SUN2: variants seen among roughly 807,000 people sequenced by gnomAD.
SUN2 encodes SUN domain-containing protein 2.
Under a neutral mutation model 100.0 loss-of-function variants are expected in SUN2, and 60 were observed. The ratio of observed to expected loss-of-function variants is 0.60; its 90% CI spans 0.49 to 0.74. The LOEUF (loss-of-function observed/expected upper bound fraction) is 0.74, where lower values mean the gene tolerates loss of function less well. Among genes scored for constraint, SUN2 ranks in the 30% least tolerant of loss-of-function variants. The pLI is 0.00. For synonymous variants in SUN2, 367 were observed against 403.3 expected (o/e 0.91, Z 1.08); for missense variants, 834 against 954.6 (o/e 0.87, Z 1.66).
chr22:38,746,828 G>A (rs1473529527), intron 7 of SUN2, among the ~76,000 whole-genome samples: 2 of 150,906 alleles, frequency 1.3e-5, no homozygotes, highest in Non-Finnish European at 1.5e-5. Flanking sequence ...TCAGGAGATC[G>A]AGACCATCCT....
Position 38,741,063 on chromosome 22 carries a change from A to G in SUN2, c.1147-13T>C. 2 of 1,593,476 alleles carry G rather than the reference A, an allele frequency of 1.3e-6. No individual in the cohort carries two copies. The highest frequency in any genetic ancestry group is 1.7e-6 in the Non-Finnish European group (2 of 1,169,414). ...GAGCCTCGGACTCCTGTGTAGGAAG[A>G]AGGGACAAATACAAGAAATACTCAT... is the stretch of plus-strand genomic sequence containing the variant. On this transcript the variant is annotated splice_polypyrimidine_tract_variant and intron_variant, in intron 10 of 17. Transcript: ENST00000689035.
Position 38,737,361 on chromosome 22 carries a change from TC to T in SUN2, c.2040+811del, listed in dbSNP as rs1318323995. 6.6e-6 allele frequency among the ~76,000 whole-genome samples: 1 copy of T among 151,884 alleles called. No individual in the cohort carries two copies. The highest frequency in any genetic ancestry group is 1.5e-5 in the Non-Finnish European group (1 of 67,948). On this transcript the variant is annotated intron_variant, in intron 17 of 17. Coordinates refer to ENST00000689035, the MANE Select transcript of SUN2 (RefSeq NM_015374.3). This position sits in a 1 kb window ranked among gnomAD's most constrained non-coding sequence, Gnocchi z 4.1. ...CCATCCAACTGGACATTCACGACCC[TC>T]CCTGCTACGTCTTTGTCCTCACTCC...
intron 7 of SUN2, among the ~76,000 whole-genome samples, chr22:38,747,028 A>G (rs1037767194): frequency 6.7e-6 from 1 of 149,026 alleles, no homozygotes; most frequent in East Asian, 2.0e-4. Context: ...ACTCCATCAC[A>G]CACACACAAA....
intron 1 of SUN2, among the ~76,000 whole-genome samples, chr22:38,753,190 A>G (rs926218816): frequency 6.9e-6 from 1 of 144,388 alleles, no homozygotes; most frequent in East Asian, 2.0e-4. Context: ...AACCTTTCCC[A>G]TGTAGACCCC....
chr22:38,750,425 C>A, intron 4 of SUN2, 105 bp from the exon 5 acceptor site: 1 of 1,545,150 alleles, frequency 6.5e-7, no homozygotes, highest in Non-Finnish European at 8.8e-7. Context: ...CCTTCACATC[C>A]CCACAGCCCC....
intron 2 of SUN2, among the ~76,000 whole-genome samples, chr22:38,752,166 A>G (rs536748911): frequency 6.6e-6 from 1 of 152,084 alleles, no homozygotes; most frequent in South Asian, 2.1e-4. Flanking sequence ...GTAGAGACGG[A>G]GTTTCACTAT....
In SUN2 at chr22:38,755,921, G is replaced by A. The variant is rs1205356069; in HGVS notation, c.-196C>T. ...GCGCGGGCACGCGAAGAGCGGCGAC[G>A]CGGGACAAGGCGGGCGGGCGGACAA... On this transcript the variant is annotated 5_prime_UTR_variant, in exon 1 of 18. Coordinates refer to ENST00000689035, the MANE Select transcript of SUN2 (RefSeq NM_015374.3). This position sits in a 1 kb window ranked among gnomAD's most constrained non-coding sequence, Gnocchi z 5.7. 2.0e-6 allele frequency: 2 copies of A among 982,832 alleles called. No individual in the cohort carries two copies. The highest frequency in any genetic ancestry group is 2.4e-6 in the Non-Finnish European group (2 of 829,012). 60.9% of individuals were successfully genotyped at this position (982,832 alleles called of 1,614,324 possible).
Position 38,751,876 on chromosome 22 carries a change from A to C in SUN2, c.123-503T>G, listed in dbSNP as rs754297856. On this transcript the variant is annotated intron_variant, in intron 2 of 17. Coordinates refer to ENST00000689035, the MANE Select transcript of SUN2 (RefSeq NM_015374.3). ...TAAGGCTGACACGCCCGTCCAGAGC[A>C]GGGGGGGTTCCTGTGAGCCCAGCCT... Among the ~76,000 whole-genome samples, 55 of 152,158 alleles carry C rather than the reference A, an allele frequency of 3.6e-4. 1 individual carries two copies. The highest frequency in any genetic ancestry group is 1.4e-3 in the Admixed American group (22 of 15,274).
chr22:38,744,631 G>A (rs915810276), intron 8 of SUN2, among the ~76,000 whole-genome samples: 3 of 152,218 alleles, frequency 2.0e-5, no homozygotes, highest in African/African-American at 7.2e-5. Flanking sequence ...TAAATTCAGT[G>A]AGATGCAAGT....
Position 38,738,682 on chromosome 22 carries a change from G to A in SUN2, c.1852C>T (p.Arg618Cys), listed in dbSNP as rs764461193. ...AAGGTAACGGCTGTGGGGCGGATGC[G>A]GGCAGAGAGGCGGACCACGGCGAAG... ...QGFAVVRLSA[R>C]IRPTAVTLEH... Residue 618 changes from arginine (R) to cysteine (C), a missense_variant, in exon 16 of 18, where the codon CGC (arginine) becomes TGC (cysteine). This residue lies in a region of SUN2 where 195 missense variants were observed against 280.2 expected (regional missense o/e 0.70). Coordinates refer to ENST00000689035, the MANE Select transcript of SUN2 (RefSeq NM_015374.3). The surrounding 1 kb of genome is among the most constrained non-coding windows in gnomAD (Gnocchi z 6.6). 5.6e-6 allele frequency: 9 copies of A among 1,613,718 alleles called. No homozygotes were observed. Among genetic ancestry groups the A allele is most frequent in the East Asian group, 2.2e-5 (1 of 44,890 alleles).
chr22:38,750,782 GGC>G (rs2092939034), intron 4 of SUN2, 114 bp downstream of exon 4: 4 of 1,481,838 alleles, frequency 2.7e-6, no homozygotes, highest in Non-Finnish European at 3.6e-6. Flanking sequence ...GCATGGGAGG[GGC>G]GCTGTGCCTG....
rs1005193788 is a variant in SUN2 at position 38,755,051 on chromosome 22, T to A, written c.-38+712A>T. 24 of 1,040,638 alleles carry A rather than the reference T, an allele frequency of 2.3e-5. No individual in the cohort carries two copies. In the African/African-American group the frequency reaches 4.3e-4, roughly 19 times the overall value. The allele number at this position is 1,040,638 out of a possible 1,614,324, so 64.5% of individuals were successfully genotyped here. A position where few individuals can be genotyped will look rare whatever the true frequency, so the allele number is the denominator to read the frequency against. On this transcript the variant is annotated intron_variant, in intron 1 of 17. Transcript: ENST00000689035. The surrounding 1 kb of genome is among the most constrained non-coding windows in gnomAD (Gnocchi z 5.7). ...CTAACAATCAGTTAGGAAACGCTCA[T>A]CGGAAAGCATCCTTCCCCACTTCTC...
chr22:38,736,235 A>G lies in SUN2; in HGVS notation c.*32T>C. Reference sequence around the variant, plus strand: ...GGCGGGGTGCTGTTCACCCACTCCCAGATGGCTGGCAGCAGGCACCAGTAA... The same window carrying G: ...GGCGGGGTGCTGTTCACCCACTCCCGGATGGCTGGCAGCAGGCACCAGTAA... On this transcript the variant is annotated 3_prime_UTR_variant, in exon 18 of 18. Coordinates refer to ENST00000689035, the MANE Select transcript of SUN2 (RefSeq NM_015374.3). 6.3e-7 allele frequency: 1 copy of G among 1,596,760 alleles called. No individual in the cohort carries two copies. Among genetic ancestry groups the G allele is most frequent in the Non-Finnish European group, 8.6e-7 (1 of 1,167,322 alleles).
intron 10 of SUN2, among the ~76,000 whole-genome samples, 188 bp downstream of exon 10, chr22:38,741,306 C>G (rs1277994757): frequency 6.6e-6 from 1 of 152,190 alleles, no homozygotes; most frequent in African/African-American, 2.4e-5. Flanking sequence ...CCCTGGCACA[C>G]CCCAGGGAGC....
intron 8 of SUN2, among the ~76,000 whole-genome samples, chr22:38,744,126 G>A (rs746845138): frequency 6.6e-6 from 1 of 152,110 alleles, no homozygotes; most frequent in Admixed American, 6.5e-5. Context: ...TGTAGTCCCA[G>A]CTACTCGGGA....
chr22:38,750,771 G>A (rs2092938986), intron 4 of SUN2, 127 bp downstream of exon 4: 2 of 1,441,886 alleles, frequency 1.4e-6, no homozygotes, highest in African/African-American at 2.8e-5. Context: ...CCCAGGGCCG[G>A]GCATGGGAGG....
chr22:38,741,594 C>CAGGTTG, intron 9 of SUN2, 23 bp from the exon 10 acceptor site: 3 of 1,609,956 alleles, frequency 1.9e-6, no homozygotes, highest in Non-Finnish European at 2.5e-6. Context: ...AGTGAGAGGA[C>CAGGTTG]AGGTTGGACA....
chr22:38,741,342 G>A (rs1197347350), intron 10 of SUN2, 152 bp downstream of exon 10: 2 of 808,666 alleles, frequency 2.5e-6, no homozygotes, highest in Non-Finnish European at 4.0e-6. Context: ...CAACTAAGGG[G>A]TCGGGGGTCA....
rs1004344450 is a variant in SUN2 at position 38,754,751 on chromosome 22, A to T, written c.-38+1012T>A. 3.9e-6 allele frequency: 5 copies of T among 1,287,168 alleles called. No homozygotes were observed. The African/African-American group carries it at 7.6e-5, about 20-fold the overall frequency. The allele number at this position is 1,287,168 out of a possible 1,614,324, so 79.7% of individuals were successfully genotyped here. ...AAGGCAACATGTTTATACCATACCC[A>T]AGCTGCCGCTGGGAAGAACTAAATA... On this transcript the variant is annotated intron_variant, in intron 1 of 17. Coordinates refer to ENST00000689035, the MANE Select transcript of SUN2 (RefSeq NM_015374.3).
Sources: allele counts gnomAD v4.1 joint callset (sites outside exome capture counted in the v4.1 genomes callset), GRCh38; gene constraint gnomAD v4.1.1; regional missense constraint gnomAD v4.1.1; non-coding constraint Gnocchi (gnomAD v3.1); transcripts MANE v1.5; gene names NCBI Gene and HGNC (gene_info 2026-07-23, HGNC 2026-07-21).